SCN1A: variants seen among roughly 807,000 people sequenced by gnomAD.
The protein encoded by SCN1A is sodium voltage-gated channel alpha subunit 1.
Under a neutral mutation model 193.7 loss-of-function variants are expected in SCN1A, and 13 were observed. The ratio of observed to expected loss-of-function variants is 0.07; its 90% CI spans 0.04 to 0.11. SCN1A has a LOEUF of 0.11. Among genes scored for constraint, SCN1A ranks in the 10% least tolerant of loss-of-function variants. The pLI is 1.00. For missense variants in SCN1A, 1,432 were observed against 2,451.1 expected (o/e 0.58, Z 8.78); for synonymous variants, 781 against 843.6 (o/e 0.93, Z 1.29).
At chr2:166,064,960 A>G (rs1683686451) in intron 4 of SCN1A, among the ~76,000 whole-genome samples, 1 of 152,200 alleles carries the variant, frequency 6.6e-6, no homozygotes, top group Non-Finnish European at 1.5e-5. Context: ...TGAAACAGGC[A>G]ATTTCCAACT....
chr2:166,138,979 T>C (rs891574727), intron 1 of SCN1A, among the ~76,000 whole-genome samples: 1 of 152,186 alleles, frequency 6.6e-6, no homozygotes, highest in Non-Finnish European at 1.5e-5. Flanking sequence ...AGCTTAAAGA[T>C]TTGACTGCCC....
rs763734025 is a variant in SCN1A at position 166,046,984 on chromosome 2, C to G, written c.1171-8G>C. The G allele has an allele frequency of 1.9e-6, 3 of 1,612,378 alleles. No homozygotes were observed. The highest frequency in any genetic ancestry group is 1.7e-5 in the Admixed American group (1 of 59,966). On this transcript the variant is annotated splice_polypyrimidine_tract_variant and splice_region_variant and intron_variant, in intron 11 of 28. Coordinates refer to ENST00000674923, the MANE Select transcript of SCN1A (RefSeq NM_001165963.4). Reference sequence around the variant, plus strand: ...CCCAGCAGCACGTAATGTCTGCAAACAAAAATATCAGAATTATTTCTCAAT... The same window carrying G: ...CCCAGCAGCACGTAATGTCTGCAAAGAAAAATATCAGAATTATTTCTCAAT...
At chr2:166,075,822 A>G (rs898520572) in intron 3 of SCN1A, among the ~76,000 whole-genome samples, 1 of 152,048 alleles carries the variant, frequency 6.6e-6, no homozygotes, top group Non-Finnish European at 1.5e-5. Context: ...CCTCACCAAT[A>G]TAATATGTTA....
chr2:166,020,266 C>T (rs934770647), intron 19 of SCN1A, among the ~76,000 whole-genome samples: 2 of 152,150 alleles, frequency 1.3e-5, no homozygotes, highest in South Asian at 4.1e-4. Flanking sequence ...TTCCTCCCAT[C>T]ATTGCGGAAG....
rs1698598913 is a variant in SCN1A, at chr2:166,051,870, G to T, written c.813C>A (p.Gly271=). The part of the protein sequence containing the change: ...FALIGLQLFM[G]NLRNKCIQWP... Reference sequence around the variant, plus strand: ...ATTGTATACATTTATTCCTCAGGTTGCCCATGAACAGCTGCAGCCCAATTA... The same window carrying T: ...ATTGTATACATTTATTCCTCAGGTTTCCCATGAACAGCTGCAGCCCAATTA... The change falls in exon 9 of 29, where the codon GGC becomes GGA. Residue 271 remains glycine (G), a synonymous_variant. Transcript: ENST00000674923. The T allele has an allele frequency of 1.2e-6, 2 of 1,612,612 alleles. No individual in the cohort carries two copies. Among genetic ancestry groups the T allele is most frequent in the Admixed American group, 1.7e-5 (1 of 59,844 alleles).
intron 22 of SCN1A, 119 bp from the exon 23 acceptor site, chr2:166,009,960 A>G: frequency 3.2e-6 from 3 of 931,568 alleles, no homozygotes; most frequent in East Asian, 2.8e-5. Context: ...ATGTTCAGAC[A>G]TTTTCAGTAA....
At chr2:166,113,183 G>T (rs956361869) in intron 2 of SCN1A, among the ~76,000 whole-genome samples, 2 of 152,070 alleles carry the variant, frequency 1.3e-5, no homozygotes, top group Non-Finnish European at 2.9e-5. Context: ...CACTCAACTG[G>T]CTGTCAGACA....
intron 4 of SCN1A, among the ~76,000 whole-genome samples, chr2:166,070,221 A>G (rs1195751728): frequency 1.3e-5 from 2 of 152,204 alleles, no homozygotes; most frequent in African/African-American, 4.8e-5. Context: ...ACATAACTCA[A>G]TCATGTGTTC....
intron 17 of SCN1A, among the ~76,000 whole-genome samples, chr2:166,038,963 A>G (rs1314584975): frequency 2.6e-5 from 4 of 152,164 alleles, no homozygotes; most frequent in Non-Finnish European, 5.9e-5. Flanking sequence ...ATGCTTAGTA[A>G]TCCTACAGAC....
At chr2:166,072,205 C>G (rs936345202) in intron 4 of SCN1A, among the ~76,000 whole-genome samples, 1 of 152,088 alleles carries the variant, frequency 6.6e-6, no homozygotes, top group Admixed American at 6.6e-5. Context: ...TGTGCCCTAC[C>G]TTTCCACTAA....
Position 165,987,134 on chromosome 2 carries a change from T to G in SCN1A, c.*4111A>C, listed in dbSNP as rs1293506548. On this transcript the variant is annotated 3_prime_UTR_variant, in exon 29 of 29. Transcript: ENST00000674923. Reference sequence around the variant, plus strand: ...CATGACATTGACATTTTTAAGGAGTTCAGTCCACTTATTTTATAGAGTGTC... The same window carrying G: ...CATGACATTGACATTTTTAAGGAGTGCAGTCCACTTATTTTATAGAGTGTC... The G allele has an allele frequency of 6.6e-6, 1 of 152,146 alleles. No individual in the cohort carries two copies. Among genetic ancestry groups the G allele is most frequent in the Non-Finnish European group, 1.5e-5 (1 of 68,012 alleles). 9.4% of individuals were successfully genotyped at this position (152,146 alleles called of 1,614,324 possible).
chr2:166,103,877 G>C lies in SCN1A; in HGVS notation c.-142+23047C>G, dbSNP rs1260474191. ...CTATTTTACAGATGAAGCAATAAAA[G>C]TCAGAAAAAATGTAGCTAATTAAAG... On this transcript the variant is annotated intron_variant, in intron 2 of 28. Transcript: ENST00000674923. Among the ~76,000 whole-genome samples the C allele has an allele frequency of 4.6e-5, 7 of 152,234 alleles. No individual in the cohort carries two copies. In the East Asian group the frequency reaches 1.2e-3, roughly 25 times the overall value.
intron 2 of SCN1A, among the ~76,000 whole-genome samples, chr2:166,109,871 TG>T (rs1689109838): frequency 6.6e-6 from 1 of 151,936 alleles, no homozygotes; most frequent in East Asian, 1.9e-4. Flanking sequence ...ATGTGGGTGG[TG>T]GGGAGGTGGG....
At position 166,013,733 on chromosome 2, in the gene SCN1A, AT is replaced by A. The variant is rs570862962; in HGVS notation, c.3705+10del. 197 of 1,610,750 alleles carry A rather than the reference AT, an allele frequency of 1.2e-4. 3 individuals are homozygous for A. In the South Asian group the frequency reaches 2.1e-3, roughly 17 times the overall value. ...ATTAGTGCTGTATCACCTTTTCTTA[AT>A]CTCACTCACCAGAGCACCACTACTA... On this transcript the variant is annotated intron_variant, in intron 21 of 28. Transcript: ENST00000674923.
At chr2:166,033,131 A>G (rs1695851630) in intron 19 of SCN1A, among the ~76,000 whole-genome samples, 1 of 152,166 alleles carries the variant, frequency 6.6e-6, no homozygotes, top group African/African-American at 2.4e-5. Flanking sequence ...ATGAGTCAAG[A>G]AGATGCATTA....
At chr2:166,122,910 G>T (rs1328100640) in intron 2 of SCN1A, among the ~76,000 whole-genome samples, 6 of 152,240 alleles carry the variant, frequency 3.9e-5, no homozygotes, top group African/African-American at 1.4e-4. Context: ...AAGTTTGTAG[G>T]TAGAGCACCA....
At position 166,096,204 on chromosome 2, in the gene SCN1A, A is replaced by G. The variant is rs1481785404; in HGVS notation, c.-141-18403T>C. Among the ~76,000 whole-genome samples, 4 of 152,198 alleles carry G rather than the reference A, an allele frequency of 2.6e-5. No homozygotes were observed. In the East Asian group the frequency reaches 5.8e-4, roughly 22 times the overall value. On this transcript the variant is annotated intron_variant, in intron 2 of 28. Coordinates refer to ENST00000674923, the MANE Select transcript of SCN1A (RefSeq NM_001165963.4). ...ATGTCTATTGTTACTATCAACTGAC[A>G]CTGAAAGTTCAATTTCTTTCATTCA...
At chr2:166,067,700 C>CTTTT (rs5836079) in intron 4 of SCN1A, among the ~76,000 whole-genome samples, 21,052 of 127,504 alleles carry the variant, frequency 0.17, 1,926 homozygotes, top group South Asian at 0.22. Flanking sequence ...GAGTACATAG[C>CTTTT]TTTTTTTTTT....
At chr2:166,045,697 G>A (rs756192216) in intron 12 of SCN1A, among the ~76,000 whole-genome samples, 9 of 152,110 alleles carry the variant, frequency 5.9e-5, no homozygotes, top group Non-Finnish European at 1.3e-4. Flanking sequence ...AAAGAAACTC[G>A]AGTATGGAAG....
Sources: allele counts gnomAD v4.1 joint callset (sites outside exome capture counted in the v4.1 genomes callset), GRCh38; gene constraint gnomAD v4.1.1; transcripts MANE v1.5; gene names NCBI Gene and HGNC (gene_info 2026-07-23, HGNC 2026-07-21).